Variants in KAT6A observed in about 807,000 individuals in gnomAD.
KAT6A encodes lysine acetyltransferase 6A.
In KAT6A, 9 loss-of-function variants were observed where a neutral mutation model predicts 198.4. The observed-to-expected ratio is 0.05, with a 90% CI of 0.03 to 0.08. The LOEUF (loss-of-function observed/expected upper bound fraction) is 0.08, where lower values mean the gene tolerates loss of function less well. Among genes scored for constraint, KAT6A ranks in the 10% least tolerant of loss-of-function variants. The pLI is 1.00. For missense variants in KAT6A, 2,077 were observed against 2,509.9 expected, an observed-to-expected ratio of 0.83 and a Z score of 3.69; for synonymous variants, 890 against 883.0, an observed-to-expected ratio of 1.01 and a Z score of -0.14.
At position 42,004,210 on chromosome 8, in the gene KAT6A, C is replaced by T. The variant is rs983908035; in HGVS notation, c.601-16647G>A. 4.6e-5 allele frequency among the ~76,000 whole-genome samples: 7 copies of T among 152,220 alleles called. No homozygotes were observed. In the East Asian group the frequency reaches 1.2e-3, roughly 25 times the overall value. On this transcript the variant is annotated intron_variant, in intron 2 of 16. Transcript: ENST00000265713. Reference sequence around the variant, plus strand: ...TGTAAAATTAAGACGTGTGCATTAACATTACAATACAGGATAGCATATGCT... The same window carrying T: ...TGTAAAATTAAGACGTGTGCATTAATATTACAATACAGGATAGCATATGCT...
rs371326293 is a variant in KAT6A, at chr8:41,966,286, G to A, written c.1482+8418C>T. On this transcript the variant is annotated intron_variant, in intron 8 of 16. Transcript: ENST00000265713. Reference sequence around the variant, plus strand: ...CCCCTTATCCCCAGCTTTGCTTTTCGAGGTTCTAGTTACCTGTCGTCAGCC... The same window carrying A: ...CCCCTTATCCCCAGCTTTGCTTTTCAAGGTTCTAGTTACCTGTCGTCAGCC... 1.1e-4 allele frequency among the ~76,000 whole-genome samples: 17 copies of A among 152,008 alleles called. No homozygotes were observed. In the East Asian group the frequency reaches 1.7e-3, roughly 16 times the overall value.
At chr8:41,966,235 C>A (rs1245017224) in intron 8 of KAT6A, among the ~76,000 whole-genome samples, 2 of 151,998 alleles carry the variant, frequency 1.3e-5, no homozygotes, top group African/African-American at 4.8e-5. Flanking sequence ...TCTTTGCCCT[C>A]CAGCTGGAAT....
At chr8:41,935,138 C>T (rs571387336) in intron 16 of KAT6A, among the ~76,000 whole-genome samples, 2 of 152,212 alleles carry the variant, frequency 1.3e-5, no homozygotes, top group African/African-American at 2.4e-5. Flanking sequence ...AGACTACCAT[C>T]ATCAGCTGCA....
At position 41,938,119 on chromosome 8, in the gene KAT6A, C is replaced by A. The variant is rs777183406; in HGVS notation, c.3040-551G>T. 2.0e-5 allele frequency among the ~76,000 whole-genome samples: 3 copies of A among 152,214 alleles called. No individual in the cohort carries two copies. The East Asian group carries it at 5.8e-4, about 29-fold the overall frequency. On this transcript the variant is annotated intron_variant, in intron 15 of 16. Transcript: ENST00000265713. Reference sequence around the variant, plus strand: ...AATCTGTTACTGAAATTTGGGCACACTGAGCACAACTTTGCACTGGACTGA... The same window carrying A: ...AATCTGTTACTGAAATTTGGGCACAATGAGCACAACTTTGCACTGGACTGA...
chr8:42,031,721 C>A (rs979852893), intron 2 of KAT6A, among the ~76,000 whole-genome samples: 10 of 150,438 alleles, frequency 6.6e-5, no homozygotes, highest in Non-Finnish European at 3.0e-5. Context: ...CCTCCACCTC[C>A]CGGGTTCAAG....
intron 2 of KAT6A, among the ~76,000 whole-genome samples, chr8:42,041,887 ATTTT>A (rs1200291234): frequency 6.6e-6 from 1 of 152,274 alleles, no homozygotes; most frequent in South Asian, 2.1e-4. Flanking sequence ...CCTTCAGAAG[ATTTT>A]TTGTTTTTTT....
chr8:41,974,549 A>ATAT lies in KAT6A; in HGVS notation c.1482+152_1482+154dup, dbSNP rs1471108407. Reference sequence around the variant, plus strand: ...AGCAGTTATCATGGGTTTGAAAGGAATATTATAAACAGCAGAACTACATAT... The same window carrying ATAT: ...AGCAGTTATCATGGGTTTGAAAGGAATATTATTATAAACAGCAGAACTACATAT... On this transcript the variant is annotated intron_variant, in intron 8 of 16. Coordinates refer to ENST00000265713, the MANE Select transcript of KAT6A (RefSeq NM_006766.5). 4.2e-5 allele frequency: 20 copies of ATAT among 479,598 alleles called. 1 individual carries two copies. In the East Asian group the frequency reaches 6.2e-4, roughly 15 times the overall value. The allele number at this position is 479,598 out of a possible 1,614,324, so 29.7% of individuals were successfully genotyped here. A position where few individuals can be genotyped will look rare whatever the true frequency, so the allele number is the denominator to read the frequency against.
intron 8 of KAT6A, among the ~76,000 whole-genome samples, chr8:41,968,038 C>CGT (rs1823598896): frequency 6.6e-6 from 1 of 152,060 alleles, no homozygotes; most frequent in Non-Finnish European, 1.5e-5. Flanking sequence ...AAAACCTAGG[C>CGT]ATTACCATTC....
At chr8:41,987,658 T>A in intron 2 of KAT6A, 95 bp from the exon 3 acceptor site, 1 of 796,328 alleles carries the variant, frequency 1.3e-6, no homozygotes, top group Non-Finnish European at 2.1e-6. Context: ...CCTACCAGAG[T>A]AAGTTTAGGA....
At position 41,941,069 on chromosome 8, in the gene KAT6A, T is replaced by C. The variant is rs1174145893; in HGVS notation, c.2812A>G (p.Arg938Gly). Residue 938 changes from arginine (R) to glycine (G), a missense_variant, in exon 15 of 17, where the codon AGA (arginine) becomes GGA (glycine). This residue lies in a region of KAT6A where 301 missense variants were observed against 272.2 expected (regional missense o/e 1.11). Coordinates refer to ENST00000265713, the MANE Select transcript of KAT6A (RefSeq NM_006766.5). The stretch of plus-strand genomic sequence containing the variant: ...GGCTCAACCCCCTCACTGAGTCTTC[T>C]CTTGGGAAGGTCAGGTTTCCCGTCC... ...SQDGKPDLPK[R>G]RLSEGVEPWR... 1.4e-5 allele frequency: 23 copies of C among 1,614,086 alleles called. No individual in the cohort carries two copies. Among genetic ancestry groups the C allele is most frequent in the Non-Finnish European group, 1.9e-5 (22 of 1,180,048 alleles).
intron 2 of KAT6A, among the ~76,000 whole-genome samples, chr8:42,046,779 C>T (rs1047467050): frequency 5.9e-5 from 9 of 152,140 alleles, no homozygotes; most frequent in African/African-American, 1.9e-4. Flanking sequence ...TACTTGTCTA[C>T]CCTGAATTTT....
chr8:42,023,353 T>G (rs1357112451), intron 2 of KAT6A, among the ~76,000 whole-genome samples: 1 of 152,176 alleles, frequency 6.6e-6, no homozygotes. Flanking sequence ...GAAAAAAATT[T>G]CTATCTTCAA....
At chr8:41,997,418 G>GA (rs927391291) in intron 2 of KAT6A, among the ~76,000 whole-genome samples, 7 of 151,490 alleles carry the variant, frequency 4.6e-5, no homozygotes, top group South Asian at 2.1e-4. Flanking sequence ...ATCAAAAATG[G>GA]AAAAAAAAGT....
intron 16 of KAT6A, among the ~76,000 whole-genome samples, chr8:41,936,508 C>T (rs895139953): frequency 4.6e-5 from 7 of 152,142 alleles, no homozygotes; most frequent in African/African-American, 1.4e-4. Flanking sequence ...ACTGCAGATG[C>T]AGGCAGCATG....
At chr8:41,984,763 G>A (rs1824521697) in intron 3 of KAT6A, among the ~76,000 whole-genome samples, 2 of 152,112 alleles carry the variant, frequency 1.3e-5, no homozygotes, top group Admixed American at 1.3e-4. Flanking sequence ...AGGATCACGA[G>A]GTCAGGAGAT....
At chr8:42,017,675 A>C (rs745317813) in intron 2 of KAT6A, among the ~76,000 whole-genome samples, 1 of 152,202 alleles carries the variant, frequency 6.6e-6, no homozygotes, top group Non-Finnish European at 1.5e-5. Context: ...GCATGGCAAG[A>C]GATGAAGTTG....
chr8:42,035,937 A>G (rs755854162), intron 2 of KAT6A, among the ~76,000 whole-genome samples: 1 of 152,158 alleles, frequency 6.6e-6, no homozygotes, highest in Non-Finnish European at 1.5e-5. Context: ...AAATGGGACT[A>G]TTTTTGATGG....
chr8:41,996,012 T>C (rs1449770035), intron 2 of KAT6A, among the ~76,000 whole-genome samples: 1 of 152,202 alleles, frequency 6.6e-6, no homozygotes, highest in Admixed American at 6.5e-5. Context: ...CTGTCTTTAA[T>C]TTTTTAAAGG....
chr8:42,007,961 CAAAAAAAA>C (rs988491987), intron 2 of KAT6A, among the ~76,000 whole-genome samples: 1,565 of 42,866 alleles, frequency 0.037, 31 homozygotes, highest in South Asian at 0.25. Context: ...GACTCCGTCT[CAAAAAAAA>C]AAAAAAAAAA....
Sources: gnomAD v4.1 joint callset for allele counts (sites outside exome capture counted in the v4.1 genomes callset) on GRCh38, gnomAD v4.1.1 for gene constraint, gnomAD v4.1.1 regional missense constraint, MANE v1.5 for transcripts, NCBI Gene and HGNC (gene_info 2026-07-23, HGNC 2026-07-21) for gene names.